Variants in ATP9B observed in about 807,000 individuals in gnomAD.
ATP9B encodes the protein ATPase phospholipid transporting 9B, also known as probable phospholipid-transporting ATPase IIB.
In ATP9B, 110 loss-of-function variants were observed where a neutral mutation model predicts 146.1. The ratio of observed to expected loss-of-function variants is 0.75; its 90% CI spans 0.65 to 0.88. The LOEUF is 0.88. Among genes scored for constraint, ATP9B ranks in the 40% least tolerant of loss-of-function variants. ATP9B has a pLI of 0.00. For synonymous variants in ATP9B, 604 were observed against 569.7 expected, an observed-to-expected ratio of 1.06 and a Z score of -0.86; for missense variants, 1,499 against 1,496.4, an observed-to-expected ratio of 1.00 and a Z score of -0.03.
intron 13 of ATP9B, among the ~76,000 whole-genome samples, chr18:79,297,966 A>T (rs1434955481): frequency 2.0e-5 from 3 of 146,902 alleles, no homozygotes; most frequent in Non-Finnish European, 4.5e-5. Context: ...TTAGAGGGGA[A>T]CATCCTCAGG....
At chr18:79,328,058 T>A (rs2096769603) in intron 15 of ATP9B, among the ~76,000 whole-genome samples, 1 of 145,544 alleles carries the variant, frequency 6.9e-6, no homozygotes, top group African/African-American at 2.6e-5. Context: ...CTCTCTCTGG[T>A]TAGCGTGCTC....
intron 13 of ATP9B, among the ~76,000 whole-genome samples, chr18:79,289,141 C>G (rs2096475302): frequency 6.6e-6 from 1 of 152,172 alleles, no homozygotes; most frequent in Admixed American, 6.5e-5. Context: ...CTCTGTATTT[C>G]CTGAATCTGA....
intron 17 of ATP9B, among the ~76,000 whole-genome samples, chr18:79,332,292 G>A (rs945159188): frequency 2.6e-5 from 4 of 152,200 alleles, no homozygotes; most frequent in Non-Finnish European, 5.9e-5. Context: ...AGCCGGGTGT[G>A]GTGGCGGGCG....
rs767702816 is a variant in ATP9B, at chr18:79,374,012, T to C, written c.3185T>C (p.Val1062Ala). 2 of 1,614,192 alleles carry C rather than the reference T, an allele frequency of 1.2e-6. No individual in the cohort carries two copies. Among genetic ancestry groups the C allele is most frequent in the Non-Finnish European group, 1.7e-6 (2 of 1,180,038 alleles). ...GAGCTGCTGATGGTGGCGCTGACCG[T>C]CCGCACGTGGCACTGGCTGATGGTG... Reference protein sequence around the residue: ...LTELLMVALTVRTWHWLMVVA... With the variant: ...LTELLMVALTARTWHWLMVVA... Residue 1062 changes from valine (V) to alanine (A), a missense_variant, in exon 28 of 30, where the codon GTC (valine) becomes GCC (alanine). Coordinates refer to ENST00000426216, the MANE Select transcript of ATP9B (RefSeq NM_198531.5).
At chr18:79,307,789 G>C (rs1406654910) in intron 15 of ATP9B, among the ~76,000 whole-genome samples, 1 of 152,084 alleles carries the variant, frequency 6.6e-6, no homozygotes, top group Non-Finnish European at 1.5e-5. Context: ...TTTTAGATCG[G>C]GAAAATTCAT....
At chr18:79,099,883 T>A (rs1327399511) in intron 2 of ATP9B, among the ~76,000 whole-genome samples, 1 of 152,046 alleles carries the variant, frequency 6.6e-6, no homozygotes, top group Non-Finnish European at 1.5e-5. Flanking sequence ...TCCCAGCACT[T>A]TGGGAGGCTG....
At chr18:79,111,100 T>C (rs1442473271) in intron 3 of ATP9B, among the ~76,000 whole-genome samples, 1 of 152,188 alleles carries the variant, frequency 6.6e-6, no homozygotes, top group African/African-American at 2.4e-5. Context: ...TTTTATTACT[T>C]TTGTTGCTAG....
At chr18:79,180,751 G>A (rs968994523) in intron 8 of ATP9B, among the ~76,000 whole-genome samples, 2 of 151,360 alleles carry the variant, frequency 1.3e-5, no homozygotes, top group South Asian at 4.2e-4. Flanking sequence ...GAGATTGTCA[G>A]TTTTTGTTTG....
At chr18:79,310,826 A>G (rs2096648538) in intron 15 of ATP9B, among the ~76,000 whole-genome samples, 1 of 151,888 alleles carries the variant, frequency 6.6e-6, no homozygotes, top group African/African-American at 2.4e-5. Flanking sequence ...TTATCTTTTT[A>G]TATATGCACG....
chr18:79,264,538 GTT>G (rs11350505), intron 12 of ATP9B, among the ~76,000 whole-genome samples: 2 of 150,002 alleles, frequency 1.3e-5, no homozygotes, highest in African/African-American at 2.5e-5. Context: ...AATATATGAG[GTT>G]TTTTTTTTGT....
At chr18:79,351,730 G>A (rs1008982143) in intron 25 of ATP9B, among the ~76,000 whole-genome samples, 2 of 152,110 alleles carry the variant, frequency 1.3e-5, no homozygotes, top group African/African-American at 4.8e-5. Flanking sequence ...GGCCCCAAGA[G>A]CAGGAAGGAC....
In ATP9B at chr18:79,374,077, C is replaced by T; in HGVS notation, c.3250C>T (p.Leu1084Phe). The part of the protein sequence containing the change: ...FLSLGCYVSS[L>F]AFLNEYFGIG... ...CAGCTTAGGCTGCTACGTGTCCTCACTCGCTTTTCTCAATGAATATTTTGG... is the reference window on the plus strand; with the variant it reads ...CAGCTTAGGCTGCTACGTGTCCTCATTCGCTTTTCTCAATGAATATTTTGG... The change falls in exon 28 of 30, where the codon CTC (leucine) becomes TTC (phenylalanine). Residue 1084 changes from leucine to phenylalanine, a missense_variant. Leu to Phe is a conservative substitution (Grantham distance 22). Coordinates refer to ENST00000426216, the MANE Select transcript of ATP9B (RefSeq NM_198531.5). 6.2e-7 allele frequency: 1 copy of T among 1,614,226 alleles called. No homozygotes were observed. The highest frequency in any genetic ancestry group is 8.5e-7 in the Non-Finnish European group (1 of 1,180,042).
chr18:79,303,649 G>A lies in ATP9B; in HGVS notation c.1457G>A (p.Gly486Asp), dbSNP rs200806754. Reference protein sequence around the residue: ...NEMIFKRLHLGTVSYGADTMD... With the variant: ...NEMIFKRLHLDTVSYGADTMD... Reference sequence around the variant, plus strand: ...ATGATATTTAAGCGGCTGCACCTGGGCACCGTGTCCTATGGCGCCGACACG... The same window carrying A: ...ATGATATTTAAGCGGCTGCACCTGGACACCGTGTCCTATGGCGCCGACACG... Residue 486 changes from glycine (G) to aspartate (D), a missense_variant, in exon 14 of 30, where the codon GGC (glycine) becomes GAC (aspartate). Physicochemically the swap from Gly to Asp is moderately conservative, Grantham distance 94. Transcript: ENST00000426216. The A allele has an allele frequency of 2.8e-5, 45 of 1,613,930 alleles. No individual in the cohort carries two copies. The highest frequency in any genetic ancestry group is 6.7e-5 in the African/African-American group (5 of 74,898).
intron 15 of ATP9B, among the ~76,000 whole-genome samples, chr18:79,307,958 T>C (rs1161818499): frequency 6.6e-6 from 1 of 152,172 alleles, no homozygotes; most frequent in Non-Finnish European, 1.5e-5. Flanking sequence ...TAAAACTGTG[T>C]CATATACATA....
intron 10 of ATP9B, among the ~76,000 whole-genome samples, chr18:79,208,274 C>T (rs2095553841): frequency 6.6e-6 from 1 of 151,990 alleles, no homozygotes; most frequent in Non-Finnish European, 1.5e-5. Flanking sequence ...TTATATAGAC[C>T]AGGTCTAGGA....
chr18:79,139,171 T>C (rs1354299046), intron 5 of ATP9B, among the ~76,000 whole-genome samples: 1 of 152,266 alleles, frequency 6.6e-6, no homozygotes, highest in Non-Finnish European at 1.5e-5. Flanking sequence ...CTTACTTTGC[T>C]ATGTGCCTTA....
intron 12 of ATP9B, among the ~76,000 whole-genome samples, chr18:79,273,561 A>C (rs755346796): frequency 1.3e-5 from 2 of 152,230 alleles, no homozygotes; most frequent in Admixed American, 1.3e-4. Flanking sequence ...AGAGGAACGC[A>C]TGTGAATTAT....
chr18:79,187,256 A>G (rs541638621), intron 8 of ATP9B, among the ~76,000 whole-genome samples: 111 of 152,294 alleles, frequency 7.3e-4, no homozygotes, highest in African/African-American at 2.6e-3. Context: ...CGCACCTTAA[A>G]TCAAAACAGA....
chr18:79,251,245 G>A (rs1414323733), intron 11 of ATP9B, among the ~76,000 whole-genome samples: 2 of 152,194 alleles, frequency 1.3e-5, no homozygotes, highest in African/African-American at 2.4e-5. Flanking sequence ...GCGGCATCCC[G>A]TCTGTGTTGG....
Sources: gnomAD v4.1 joint callset for allele counts (sites outside exome capture counted in the v4.1 genomes callset) on GRCh38, gnomAD v4.1.1 for gene constraint, MANE v1.5 for transcripts, NCBI Gene and HGNC (gene_info 2026-07-23, HGNC 2026-07-21) for gene names.